The following MYRIP variants were observed in gnomAD, a reference collection of about 807,000 sequenced individuals.
MYRIP encodes myosin VIIA and Rab interacting protein, also known as rab effector MyRIP.
MYRIP carries 49 observed loss-of-function variants against 98.0 expected under a neutral mutation model. That is an observed-to-expected ratio of 0.50 (90% CI 0.40 to 0.63). MYRIP has a LOEUF of 0.63. MYRIP is among the 30% of genes least tolerant of loss of function. MYRIP has a pLI of 0.00. For synonymous variants in MYRIP, 404 were observed against 409.5 expected (o/e 0.99, Z 0.16); for missense variants, 1,004 against 1,058.2 (o/e 0.95, Z 0.71).
chr3:39,918,084 G>A (rs1485290324), intron 2 of MYRIP, among the ~76,000 whole-genome samples: 2 of 151,920 alleles, frequency 1.3e-5, no homozygotes, highest in African/African-American at 2.4e-5. Flanking sequence ...CCGCCACCAC[G>A]CCCAGCTAAT....
intron 8 of MYRIP, among the ~76,000 whole-genome samples, chr3:40,176,031 C>G (rs1228822187): frequency 6.6e-6 from 1 of 152,216 alleles, no homozygotes; most frequent in African/African-American, 2.4e-5. Context: ...TTCTTTTACT[C>G]CTGGCCACAA....
At chr3:39,834,663 G>A (rs1362373673) in intron 1 of MYRIP, among the ~76,000 whole-genome samples, 1 of 152,060 alleles carries the variant, frequency 6.6e-6, no homozygotes, top group Admixed American at 6.6e-5. Context: ...TGTAATATAA[G>A]TAATATTCCT....
intron 3 of MYRIP, among the ~76,000 whole-genome samples, chr3:40,055,443 A>G (rs1947865698): frequency 6.6e-6 from 1 of 152,172 alleles, no homozygotes; most frequent in African/African-American, 2.4e-5. Flanking sequence ...AACACCTTTA[A>G]ATTAGGGGAG....
rs1323671649 is a variant in MYRIP at position 40,260,092 on chromosome 3, T to C, written c.*1926T>C. On this transcript the variant is annotated 3_prime_UTR_variant, in exon 17 of 17. Transcript: ENST00000302541. ...TATTAAAAACCATAAGCATATGTTA[T>C]AGTTCCAGAAGAATTATTTTGTCAT... is the stretch of plus-strand genomic sequence containing the variant. The C allele has an allele frequency of 6.5e-6, 1 of 152,678 alleles. No individual in the cohort carries two copies. Among genetic ancestry groups the C allele is most frequent in the Non-Finnish European group, 1.5e-5 (1 of 68,048 alleles). 9.5% of individuals were successfully genotyped at this position (152,678 alleles called of 1,614,324 possible). A position where few individuals can be genotyped will look rare whatever the true frequency, so the allele number is the denominator to read the frequency against.
At chr3:40,014,748 T>C (rs546965636) in intron 2 of MYRIP, among the ~76,000 whole-genome samples, 4 of 152,374 alleles carry the variant, frequency 2.6e-5, no homozygotes, top group Non-Finnish European at 5.9e-5. Context: ...GGGAAACTTG[T>C]CCCAGTTACA....
intron 1 of MYRIP, among the ~76,000 whole-genome samples, chr3:39,886,336 C>T (rs1422974855): frequency 6.6e-4 from 100 of 150,562 alleles, no homozygotes; most frequent in African/African-American, 2.4e-3. Flanking sequence ...TCACACATAA[C>T]AATATTAACT....
intron 10 of MYRIP, among the ~76,000 whole-genome samples, chr3:40,205,067 C>T (rs987466991): frequency 1.3e-5 from 2 of 152,108 alleles, no homozygotes; most frequent in Non-Finnish European, 2.9e-5. Flanking sequence ...CACACAGGTG[C>T]CAGGAAGGAC....
chr3:40,175,361 C>A lies in MYRIP; in HGVS notation c.873+5268C>A, dbSNP rs187311209. 7.2e-5 allele frequency among the ~76,000 whole-genome samples: 11 copies of A among 152,296 alleles called. No homozygotes were observed. In the East Asian group the frequency reaches 1.9e-3, roughly 27 times the overall value. Reference sequence around the variant, plus strand: ...TGTAACAGGACAAGCTGAGGTGACCCACAGAGCCCACGCTGGCCAACTCAG... The same window carrying A: ...TGTAACAGGACAAGCTGAGGTGACCAACAGAGCCCACGCTGGCCAACTCAG... On this transcript the variant is annotated intron_variant, in intron 8 of 16. Transcript: ENST00000302541.
intron 2 of MYRIP, among the ~76,000 whole-genome samples, chr3:39,964,828 TTA>T (rs1279952929): frequency 1.3e-5 from 2 of 152,202 alleles, no homozygotes; most frequent in African/African-American, 4.8e-5. Context: ...AAAACTTTTC[TTA>T]TAATCTTCAT....
intron 3 of MYRIP, among the ~76,000 whole-genome samples, chr3:40,089,179 G>A (rs907013331): frequency 6.6e-6 from 1 of 152,172 alleles, no homozygotes. Context: ...CTATATGACA[G>A]GAGACACTAG....
chr3:40,153,488 C>T (rs1950160359), intron 4 of MYRIP, among the ~76,000 whole-genome samples: 1 of 152,100 alleles, frequency 6.6e-6, no homozygotes, highest in Non-Finnish European at 1.5e-5. Context: ...ATTAGAATCG[C>T]CAAGGGCGCT....
In MYRIP at chr3:39,966,651, G is replaced by A. The variant is rs188032200; in HGVS notation, c.110+65725G>A. On this transcript the variant is annotated intron_variant, in intron 2 of 16. Transcript: ENST00000302541. ...TGGGGGCAGGGGGTGGGTAGGGAACGGAGAGATTACTGAAAGCATAAAGAG... is the reference window on the plus strand; with the variant it reads ...TGGGGGCAGGGGGTGGGTAGGGAACAGAGAGATTACTGAAAGCATAAAGAG... Among the ~76,000 whole-genome samples, 233 of 152,258 alleles carry A rather than the reference G, an allele frequency of 1.5e-3. 1 individual carries two copies. The highest frequency in any genetic ancestry group is 5.4e-3 in the African/African-American group (224 of 41,552).
At chr3:40,078,285 C>G (rs1948397066) in intron 3 of MYRIP, among the ~76,000 whole-genome samples, 1 of 152,200 alleles carries the variant, frequency 6.6e-6, no homozygotes, top group Non-Finnish European at 1.5e-5. Flanking sequence ...GTGTGCAGCC[C>G]CGGTTCGCAT....
intron 2 of MYRIP, among the ~76,000 whole-genome samples, chr3:40,017,838 A>C (rs576838603): frequency 1.7e-3 from 251 of 151,990 alleles, no homozygotes; most frequent in Non-Finnish European, 2.9e-3. Flanking sequence ...TTTTCAGTTT[A>C]GCAGGTTAAA....
intron 2 of MYRIP, among the ~76,000 whole-genome samples, chr3:39,933,232 T>C (rs1451227060): frequency 2.0e-5 from 3 of 152,226 alleles, no homozygotes; most frequent in Non-Finnish European, 2.9e-5. Context: ...TAAACTTTTA[T>C]TGGAACACAG....
chr3:40,167,303 G>T, intron 7 of MYRIP, 64 bp downstream of exon 7: 7 of 1,438,440 alleles, frequency 4.9e-6, no homozygotes, highest in Non-Finnish European at 5.8e-6. Context: ...AGGGACTCTG[G>T]CAAGTAGCAG....
intron 1 of MYRIP, among the ~76,000 whole-genome samples, chr3:39,877,670 C>G (rs987837176): frequency 1.3e-5 from 2 of 152,150 alleles, no homozygotes; most frequent in Non-Finnish European, 2.9e-5. Flanking sequence ...TTTCATGTAC[C>G]GTGAATGCTG....
At chr3:39,977,518 T>A (rs1193555448) in intron 2 of MYRIP, among the ~76,000 whole-genome samples, 1 of 152,188 alleles carries the variant, frequency 6.6e-6, no homozygotes, top group East Asian at 1.9e-4. Context: ...CAGGCAAAAC[T>A]CACTCCGACT....
intron 3 of MYRIP, among the ~76,000 whole-genome samples, chr3:40,089,572 A>T (rs1385788887): frequency 6.6e-6 from 1 of 152,214 alleles, no homozygotes; most frequent in Admixed American, 6.5e-5. Flanking sequence ...AGAAGTGTTT[A>T]TTGGATTTGA....
Sources: gnomAD v4.1 joint callset for allele counts (sites outside exome capture counted in the v4.1 genomes callset) on GRCh38, gnomAD v4.1.1 for gene constraint, MANE v1.5 for transcripts, NCBI Gene and HGNC (gene_info 2026-07-23, HGNC 2026-07-21) for gene names.